Variants in ZNF562 observed in about 807,000 individuals in gnomAD.
ZNF562 encodes the protein zinc finger protein 562.
ZNF562 carries 13 observed loss-of-function variants against 17.5 expected under a neutral mutation model. The observed-to-expected ratio is 0.74, with a 90% CI of 0.48 to 1.18. The LOEUF is 1.18. Among genes scored for constraint, ZNF562 ranks in the 50% most tolerant of loss-of-function variants. ZNF562 has a pLI of 0.00. For synonymous variants in ZNF562, 163 were observed against 165.4 expected (o/e 0.99, Z 0.11); for missense variants, 481 against 498.5 (o/e 0.96, Z 0.33).
At chr19:9,666,585 C>T (rs1383565146) in intron 1 of ZNF562, among the ~76,000 whole-genome samples, 1 of 151,356 alleles carries the variant, frequency 6.6e-6, no homozygotes, top group Non-Finnish European at 1.5e-5. Flanking sequence ...AAAAACAATA[C>T]AGAAGATCAA....
intron 4 of ZNF562, among the ~76,000 whole-genome samples, chr19:9,657,512 C>G (rs573392578): frequency 6.6e-6 from 1 of 151,074 alleles, no homozygotes; most frequent in Non-Finnish European, 1.5e-5. Context: ...CTGAGAAAAA[C>G]AGCTTAAATC....
chr19:9,662,157 G>C (rs2043773597), intron 1 of ZNF562, among the ~76,000 whole-genome samples: 1 of 152,176 alleles, frequency 6.6e-6, no homozygotes, highest in Non-Finnish European at 1.5e-5. Context: ...TGTATATGCT[G>C]TTACCCCCCA....
At chr19:9,663,409 C>CAA (rs548857529) in intron 1 of ZNF562, among the ~76,000 whole-genome samples, 5 of 100,408 alleles carry the variant, frequency 5.0e-5, no homozygotes, top group African/African-American at 1.0e-4. Flanking sequence ...GACTCCATCT[C>CAA]AAAAAAAAAA....
chr19:9,658,350 T>C (rs1235624105), intron 3 of ZNF562: 1 of 984,258 alleles, frequency 1.0e-6, no homozygotes, highest in Non-Finnish European at 1.2e-6. Flanking sequence ...TTTTTCTTTC[T>C]TTCTTTCTTT....
intron 1 of ZNF562, among the ~76,000 whole-genome samples, chr19:9,661,700 A>C (rs1260077554): frequency 6.6e-6 from 1 of 152,052 alleles, no homozygotes; most frequent in African/African-American, 2.4e-5. Flanking sequence ...GATGCTGAGG[A>C]AGGAGAATCG....
At chr19:9,672,282 G>GACATTATT (rs1244667987) in intron 1 of ZNF562, among the ~76,000 whole-genome samples, 1 of 152,144 alleles carries the variant, frequency 6.6e-6, no homozygotes. Flanking sequence ...GACATTAGAT[G>GACATTATT]ACATTATTAT....
At chr19:9,671,481 A>T (rs1041141053) in intron 1 of ZNF562, among the ~76,000 whole-genome samples, 2 of 152,224 alleles carry the variant, frequency 1.3e-5, no homozygotes, top group African/African-American at 4.8e-5. Flanking sequence ...GTCTCAAAAA[A>T]AGAAAAAAAA....
At chr19:9,669,732 G>GTGCA (rs2044095991) in intron 1 of ZNF562, among the ~76,000 whole-genome samples, 4 of 76,776 alleles carry the variant, frequency 5.2e-5, no homozygotes, top group South Asian at 4.1e-4. Flanking sequence ...GCGCGCGCGC[G>GTGCA]CGCACACACA....
chr19:9,666,238 G>T (rs558547194), intron 1 of ZNF562, among the ~76,000 whole-genome samples: 3 of 150,768 alleles, frequency 2.0e-5, no homozygotes, highest in African/African-American at 7.3e-5. Flanking sequence ...CAGGAGAATC[G>T]CTTGAATCCG....
In ZNF562 at chr19:9,657,975, G is replaced by A. The variant is rs2043578822; in HGVS notation, c.241+34C>T. Reference sequence around the variant, plus strand: ...CAAGTATCTGGGACTACAGGTGCAGGCCACCATGCCAAGCAAAGTGATGTT... The same window carrying A: ...CAAGTATCTGGGACTACAGGTGCAGACCACCATGCCAAGCAAAGTGATGTT... On this transcript the variant is annotated intron_variant, in intron 4 of 5. Transcript: ENST00000453372. 6 of 1,591,188 alleles carry A rather than the reference G, an allele frequency of 3.8e-6. No individual in the cohort carries two copies. In the South Asian group the frequency reaches 5.7e-5, roughly 15 times the overall value.
rs2074792717 is a variant in ZNF562 at position 9,644,350 on chromosome 19, G to T, written c.*8599C>A. 1 of 152,094 alleles carries T rather than the reference G, an allele frequency of 6.6e-6. No individual in the cohort carries two copies. Among genetic ancestry groups the T allele is most frequent in the African/African-American group, 2.4e-5 (1 of 41,410 alleles). 9.4% of individuals were successfully genotyped at this position (152,094 alleles called of 1,614,324 possible). On this transcript the variant is annotated 3_prime_UTR_variant, in exon 6 of 6. Coordinates refer to ENST00000453372, the MANE Select transcript of ZNF562 (RefSeq NM_001130031.2). ...TCATGCTTGTAATCCCAGCACTTTG[G>T]GAGGCCCAGAAGAGAGGATTACTCT... is the stretch of plus-strand genomic sequence containing the variant.
At chr19:9,661,159 C>T (rs1235821514) in intron 1 of ZNF562, among the ~76,000 whole-genome samples, 2 of 152,112 alleles carry the variant, frequency 1.3e-5, no homozygotes, top group Non-Finnish European at 2.9e-5. Context: ...ATCCATCTAT[C>T]TATTTATTGA....
intron 1 of ZNF562, among the ~76,000 whole-genome samples, chr19:9,670,559 A>G (rs559129091): frequency 6.6e-6 from 1 of 152,286 alleles, no homozygotes; most frequent in East Asian, 1.9e-4. Flanking sequence ...TCATCATGGA[A>G]GTGAAATAAG....
Position 9,653,203 on chromosome 19 carries a change from G to T in ZNF562, c.1027C>A (p.Pro343Thr), listed in dbSNP as rs770324201. The T allele has an allele frequency of 4.3e-6, 7 of 1,614,042 alleles. No homozygotes were observed. The African/African-American group carries it at 9.3e-5, about 22-fold the overall frequency. ...QHVRTHTGIK[P>T]YECKECGQAF... Reference sequence around the variant, plus strand: ...TGGCCACATTCCTTACATTCATAGGGTTTTATTCCAGTGTGAGTTCTTACA... The same window carrying T: ...TGGCCACATTCCTTACATTCATAGGTTTTTATTCCAGTGTGAGTTCTTACA... The change falls in exon 6 of 6, where the codon CCC becomes ACC. Residue 343 changes from proline to threonine, a missense_variant. Pro to Thr is a conservative substitution (Grantham distance 38). Transcript: ENST00000453372.
intron 1 of ZNF562, among the ~76,000 whole-genome samples, chr19:9,673,866 G>T (rs907041138): frequency 2.6e-5 from 4 of 152,100 alleles, no homozygotes; most frequent in African/African-American, 4.8e-5. Flanking sequence ...AATTAGCCAG[G>T]TGTGGTGGTG....
intron 3 of ZNF562, 74 bp from the exon 4 acceptor site, chr19:9,658,209 G>A: frequency 1.3e-6 from 2 of 1,529,828 alleles, no homozygotes; most frequent in Non-Finnish European, 8.8e-7. Context: ...TGAGGAAAGG[G>A]GAACCTTATA....
chr19:9,651,579 G>A lies in ZNF562; in HGVS notation c.*1370C>T, dbSNP rs894451809. Reference sequence around the variant, plus strand: ...GAGGCTGCTGGTTTACCAGAATGAGGGCAAGCAACACCTGGCCCACCCAGG... The same window carrying A: ...GAGGCTGCTGGTTTACCAGAATGAGAGCAAGCAACACCTGGCCCACCCAGG... On this transcript the variant is annotated 3_prime_UTR_variant, in exon 6 of 6. Coordinates refer to ENST00000453372, the MANE Select transcript of ZNF562 (RefSeq NM_001130031.2). 2 of 152,194 alleles carry A rather than the reference G, an allele frequency of 1.3e-5. No homozygotes were observed. Among genetic ancestry groups the A allele is most frequent in the Admixed American group, 6.5e-5 (1 of 15,278 alleles). 9.4% of individuals were successfully genotyped at this position (152,194 alleles called of 1,614,324 possible).
intron 1 of ZNF562, among the ~76,000 whole-genome samples, chr19:9,663,418 A>G (rs1389170339): frequency 6.6e-6 from 1 of 151,620 alleles, no homozygotes; most frequent in Non-Finnish European, 1.5e-5. Flanking sequence ...TCAAAAAAAA[A>G]AAAAAAAGGA....
chr19:9,669,701 T>C (rs2044074795), intron 1 of ZNF562, among the ~76,000 whole-genome samples: 2 of 124,514 alleles, frequency 1.6e-5, no homozygotes, highest in Non-Finnish European at 1.6e-5. Context: ...AAGACCTGTC[T>C]GCATGCACGC....
Sources: allele counts gnomAD v4.1 joint callset (sites outside exome capture counted in the v4.1 genomes callset), GRCh38; gene constraint gnomAD v4.1.1; transcripts MANE v1.5; gene names NCBI Gene and HGNC (gene_info 2026-07-23, HGNC 2026-07-21).